Variants in MAML3 observed in about 807,000 individuals in gnomAD.
The protein encoded by MAML3 is mastermind like transcriptional coactivator 3.
A neutral mutation model predicts 101.9 loss-of-function variants in MAML3; 27 were observed. The ratio of observed to expected loss-of-function variants is 0.27; its 90% CI spans 0.20 to 0.37. The LOEUF (loss-of-function observed/expected upper bound fraction) is 0.37. Among genes scored for constraint, MAML3 ranks in the 10% least tolerant of loss-of-function variants. MAML3 has a pLI of 1.00. For synonymous variants in MAML3, 501 were observed against 555.9 expected, an observed-to-expected ratio of 0.90 and a Z score of 1.39; for missense variants, 1,316 against 1,444.9, an observed-to-expected ratio of 0.91 and a Z score of 1.45.
At position 139,764,191 on chromosome 4, in the gene MAML3, T is replaced by C. The variant is rs541039277; in HGVS notation, c.2080-33524A>G. ...AAAAGACACTGCATACCTGGATCTG[T>C]AGTCCTGCTGACAAGCAATCCTGCT... On this transcript the variant is annotated intron_variant, in intron 2 of 4. Coordinates refer to ENST00000509479, the MANE Select transcript of MAML3 (RefSeq NM_018717.5). Among the ~76,000 whole-genome samples the C allele has an allele frequency of 3.8e-4, 58 of 152,372 alleles. No individual in the cohort carries two copies. In the South Asian group the frequency reaches 0.011, roughly 29 times the overall value.
intron 2 of MAML3, among the ~76,000 whole-genome samples, chr4:139,755,379 C>T (rs1877238): frequency 0.25 from 37,617 of 151,998 alleles, 5,123 homozygotes; most frequent in East Asian, 0.56. Context: ...GAGGCTGAGG[C>T]GGGTGGATCA....
Position 139,888,588 on chromosome 4 carries a change from G to A in MAML3, c.2079+769C>T, listed in dbSNP as rs543657618. On this transcript the variant is annotated intron_variant, in intron 2 of 4. Transcript: ENST00000509479. The stretch of plus-strand genomic sequence containing the variant: ...GCTTGTCAATGACTATTCACTTCCC[G>A]ACTGGTTGCTGCTCATTTTTTACCA... 189 of 519,022 alleles carry A rather than the reference G, an allele frequency of 3.6e-4. 1 individual carries two copies. Among genetic ancestry groups the A allele is most frequent in the South Asian group, 2.2e-3 (154 of 71,594 alleles). 32.2% of individuals were successfully genotyped at this position (519,022 alleles called of 1,614,324 possible).
chr4:139,876,816 A>C (rs996666336), intron 2 of MAML3, among the ~76,000 whole-genome samples: 1 of 152,202 alleles, frequency 6.6e-6, no homozygotes, highest in Non-Finnish European at 1.5e-5. Flanking sequence ...TTATCGGCTC[A>C]GAGGCGTTGC....
At chr4:139,764,598 A>G (rs1729816759) in intron 2 of MAML3, among the ~76,000 whole-genome samples, 1 of 152,178 alleles carries the variant, frequency 6.6e-6, no homozygotes, top group South Asian at 2.1e-4. Flanking sequence ...CTAGTGAGCT[A>G]ATGCATGCGA....
chr4:139,882,860 CAAAT>C (rs1232727101), intron 2 of MAML3, among the ~76,000 whole-genome samples: 1 of 152,082 alleles, frequency 6.6e-6, no homozygotes, highest in Non-Finnish European at 1.5e-5. Context: ...AAAACACAAA[CAAAT>C]AAACAAACAA....
At chr4:140,092,937 AG>A (rs1728086575) in intron 1 of MAML3, among the ~76,000 whole-genome samples, 1 of 152,230 alleles carries the variant, frequency 6.6e-6, no homozygotes, top group African/African-American at 2.4e-5. Flanking sequence ...CAGAAACTTT[AG>A]CAGCTTAGTG....
chr4:139,763,824 C>T (rs548769004), intron 2 of MAML3, among the ~76,000 whole-genome samples: 1 of 152,334 alleles, frequency 6.6e-6, no homozygotes, highest in Admixed American at 6.5e-5. Context: ...AACAGTCTCC[C>T]TTTCAAATGA....
At chr4:139,815,735 A>G (rs1448260615) in intron 2 of MAML3, among the ~76,000 whole-genome samples, 1 of 152,176 alleles carries the variant, frequency 6.6e-6, no homozygotes, top group Non-Finnish European at 1.5e-5. Flanking sequence ...TCCAGAACTC[A>G]ACTGGGACAA....
At chr4:139,934,663 T>A (rs542766485) in intron 1 of MAML3, among the ~76,000 whole-genome samples, 22 of 152,234 alleles carry the variant, frequency 1.4e-4, no homozygotes, top group African/African-American at 5.3e-4. Flanking sequence ...TTTAAAAGCA[T>A]GTGTAGTTAA....
intron 1 of MAML3, among the ~76,000 whole-genome samples, chr4:140,104,854 AT>A (rs35639523): frequency 0.17 from 25,695 of 151,836 alleles, 2,619 homozygotes; most frequent in Middle Eastern, 0.33. Context: ...TAAAACTTTA[AT>A]TTTTTTTAAA....
rs373152084 is a variant in MAML3 at position 139,973,112 on chromosome 4, A to G, written c.469-82145T>C. ...TAGAGTAAGAATCCAGTGTTTAGCC[A>G]TAAATCAAGCTACTTGGCTCATTCA... On this transcript the variant is annotated intron_variant, in intron 1 of 4. Coordinates refer to ENST00000509479, the MANE Select transcript of MAML3 (RefSeq NM_018717.5). 6.6e-5 allele frequency among the ~76,000 whole-genome samples: 10 copies of G among 152,348 alleles called. No homozygotes were observed. The South Asian group carries it at 2.1e-3, about 32-fold the overall frequency.
At chr4:139,768,158 T>C (rs1203609261) in intron 2 of MAML3, among the ~76,000 whole-genome samples, 5 of 152,056 alleles carry the variant, frequency 3.3e-5, no homozygotes, top group Admixed American at 6.6e-5. Context: ...AGTCCTTTCA[T>C]GGATGCATAA....
At chr4:140,093,965 C>T (rs548640672) in intron 1 of MAML3, among the ~76,000 whole-genome samples, 1 of 152,308 alleles carries the variant, frequency 6.6e-6, no homozygotes, top group South Asian at 2.1e-4. Flanking sequence ...TTTGGAGCCC[C>T]AGTAACCACA....
chr4:140,051,477 A>C (rs1851256), intron 1 of MAML3, among the ~76,000 whole-genome samples: 6,552 of 152,026 alleles, frequency 0.043, 312 homozygotes, highest in African/African-American at 0.11. Context: ...GAATCGCTTG[A>C]ATCCAGGAGG....
chr4:140,057,929 C>T (rs964488181), intron 1 of MAML3, among the ~76,000 whole-genome samples: 1 of 148,308 alleles, frequency 6.7e-6, no homozygotes, highest in Non-Finnish European at 1.5e-5. Flanking sequence ...AGTGTGAAGG[C>T]CCCCACCGCC....
chr4:139,786,668 G>A (rs911395227), intron 2 of MAML3, among the ~76,000 whole-genome samples: 1 of 152,198 alleles, frequency 6.6e-6, no homozygotes, highest in African/African-American at 2.4e-5. Context: ...GCTGGTAACA[G>A]ACATATCTGT....
At chr4:139,880,412 C>G (rs1027999350) in intron 2 of MAML3, among the ~76,000 whole-genome samples, 1 of 152,018 alleles carries the variant, frequency 6.6e-6, no homozygotes, top group Non-Finnish European at 1.5e-5. Context: ...TTCCCCTCAG[C>G]AGGGAAGGCC....
At chr4:139,766,785 C>T (rs145945475) in intron 2 of MAML3, among the ~76,000 whole-genome samples, 3 of 152,342 alleles carry the variant, frequency 2.0e-5, no homozygotes, top group South Asian at 2.1e-4. Flanking sequence ...TCTGGGCACT[C>T]GGCACATGAA....
At chr4:140,107,393 C>A (rs1209112809) in intron 1 of MAML3, among the ~76,000 whole-genome samples, 2 of 152,108 alleles carry the variant, frequency 1.3e-5, no homozygotes, top group Non-Finnish European at 1.5e-5. Context: ...AAACCTTCCT[C>A]ATTTTAATGA....
Sources: gnomAD v4.1 joint callset for allele counts (sites outside exome capture counted in the v4.1 genomes callset) on GRCh38, gnomAD v4.1.1 for gene constraint, MANE v1.5 for transcripts, NCBI Gene and HGNC (gene_info 2026-07-23, HGNC 2026-07-21) for gene names.